Variants in TEX11 observed in about 807,000 individuals in gnomAD.
TEX11 encodes testis-expressed protein 11.
TEX11 carries 7 observed loss-of-function variants against 84.4 expected under a neutral mutation model. That is an observed-to-expected ratio of 0.08 (90% CI 0.05 to 0.16). The LOEUF is 0.16. Among genes scored for constraint, TEX11 ranks in the 10% least tolerant of loss-of-function variants. The probability of loss-of-function intolerance (pLI) is 1.00; values close to 1 mark genes in which losing one functional copy is unlikely to be tolerated. For missense variants in TEX11, 551 were observed against 660.5 expected, an observed-to-expected ratio of 0.83 and a Z score of 1.82; for synonymous variants, 264 against 222.8, an observed-to-expected ratio of 1.18 and a Z score of -1.64.
At chrX:70,839,913 G>C (rs1469120746) in intron 7 of TEX11, among the ~76,000 whole-genome samples, 3 of 111,286 alleles carry the variant, frequency 2.7e-5, no homozygotes, top group Admixed American at 1.9e-4. Flanking sequence ...AATGAAGCGA[G>C]AAGAGAAGTT....
chrX:70,681,419 A>G (rs1471344167), intron 14 of TEX11, among the ~76,000 whole-genome samples: 1 of 112,511 alleles, frequency 8.9e-6, no homozygotes, highest in Non-Finnish European at 1.9e-5. Context: ...ACTTTCTTTA[A>G]ATAAAAATCA....
At chrX:70,550,820 A>G (rs1435946849) in intron 28 of TEX11, among the ~76,000 whole-genome samples, 1 of 111,661 alleles carries the variant, frequency 9.0e-6, no homozygotes, top group African/African-American at 3.3e-5. Flanking sequence ...AATTAGTACA[A>G]CCACTATGGA....
At chrX:70,575,893 T>C (rs1169758518) in intron 25 of TEX11, among the ~76,000 whole-genome samples, 1 of 112,068 alleles carries the variant, frequency 8.9e-6, no homozygotes, top group East Asian at 2.8e-4. Flanking sequence ...GAATAGATCA[T>C]TTCTTCCTCT....
intron 2 of TEX11, among the ~76,000 whole-genome samples, chrX:70,896,800 C>T (rs79213658): frequency 9.1e-6 from 1 of 110,261 alleles, no homozygotes; most frequent in African/African-American, 3.3e-5. Context: ...TGTTCTCACT[C>T]ATAAGTAGGA....
At position 70,529,099 on chromosome X, in the gene TEX11, T is replaced by A; in HGVS notation, c.2774A>T (p.Asp925Val). ...TTCATGTGGCCATGAGCTTGCCTAA[T>A]CTGACTTGCTCCAGTAGCCATGTTC... ...FHEHGYWSKS[D>V] Residue 925 changes from aspartate to valine, a missense_variant, in exon 30 of 30, where the codon GAT (aspartate) becomes GTT (valine). Asp to Val is a radical substitution (Grantham distance 152, BLOSUM62 -3). Coordinates refer to ENST00000374333, the MANE Select transcript of TEX11 (RefSeq NM_031276.3). 8.3e-7 allele frequency: 1 copy of A among 1,206,804 alleles called. No individual in the cohort carries two copies. Among genetic ancestry groups the A allele is most frequent in the Non-Finnish European group, 1.1e-6 (1 of 891,177 alleles).
At chrX:70,905,215 C>T (rs756764830) in intron 2 of TEX11, among the ~76,000 whole-genome samples, 2 of 111,501 alleles carry the variant, frequency 1.8e-5, no homozygotes, top group Admixed American at 1.9e-4. Flanking sequence ...CCCAGCTACG[C>T]GGGAGGCTGA....
intron 8 of TEX11, among the ~76,000 whole-genome samples, chrX:70,818,270 C>T (rs746726896): frequency 1.8e-5 from 2 of 109,945 alleles, no homozygotes; most frequent in South Asian, 8.0e-4. Flanking sequence ...CCACTGCACT[C>T]CAGTCTGGGT....
At chrX:70,875,545 C>T (rs1425805206) in intron 3 of TEX11, among the ~76,000 whole-genome samples, 3 of 105,299 alleles carry the variant, frequency 2.8e-5, no homozygotes, top group Non-Finnish European at 3.9e-5. Context: ...TCGAGACCAG[C>T]CTGGCCAACT....
At chrX:70,839,143 G>C (rs1469650265) in intron 7 of TEX11, among the ~76,000 whole-genome samples, 2 of 112,137 alleles carry the variant, frequency 1.8e-5, no homozygotes, top group Non-Finnish European at 1.9e-5. Flanking sequence ...GAAGAGAGTA[G>C]TGGTTCTCCC....
At chrX:70,770,847 A>T (rs2090968013) in intron 9 of TEX11, among the ~76,000 whole-genome samples, 1 of 111,526 alleles carries the variant, frequency 9.0e-6, no homozygotes, top group Non-Finnish European at 1.9e-5. Flanking sequence ...AATAAGTTTT[A>T]TACAGGCAGA....
chrX:70,568,900 C>G (rs1253212436), intron 25 of TEX11, among the ~76,000 whole-genome samples: 3 of 110,165 alleles, frequency 2.7e-5, no homozygotes, highest in Non-Finnish European at 5.7e-5. Flanking sequence ...TTGCTCTTCT[C>G]GAGGAGTATC....
At chrX:70,517,990 C>T in the TEX11 span, among the ~76,000 whole-genome samples, 21 of 109,436 alleles carry the variant, frequency 1.9e-4, no homozygotes, top group East Asian at 5.4e-3. Context: ...TTTTTTATTG[C>T]ATCTATTTGA....
chrX:70,873,315 A>G lies in TEX11; in HGVS notation c.160-8T>C, dbSNP rs762430659. 1.1e-4 allele frequency: 128 copies of G among 1,136,668 alleles called. 1 individual carries two copies. The highest frequency in any genetic ancestry group is 1.4e-4 in the Non-Finnish European group (118 of 829,480). 93.7% of individuals were successfully genotyped at this position (1,136,668 alleles called of 1,213,427 possible). ...TACTGCCATTTCTTCAATCTGGTCA[A>G]AGAGAAACATTTCCTTAGTTAGTTA... On this transcript the variant is annotated splice_polypyrimidine_tract_variant and splice_region_variant and intron_variant, in intron 3 of 29. Coordinates refer to ENST00000374333, the MANE Select transcript of TEX11 (RefSeq NM_031276.3).
At chrX:70,720,956 A>G (rs2090554566) in intron 13 of TEX11, among the ~76,000 whole-genome samples, 1 of 110,457 alleles carries the variant, frequency 9.1e-6, no homozygotes, top group African/African-American at 3.3e-5. Context: ...TCCTTCTACT[A>G]CAGTAATAAA....
chrX:70,817,555 A>G (rs1268172640), intron 8 of TEX11, among the ~76,000 whole-genome samples: 1 of 110,897 alleles, frequency 9.0e-6, no homozygotes, highest in Non-Finnish European at 1.9e-5. Context: ...GTGGTGGGAC[A>G]CGCCTGTAAT....
At chrX:70,842,923 G>C (rs2091455687) in intron 7 of TEX11, among the ~76,000 whole-genome samples, 1 of 111,332 alleles carries the variant, frequency 9.0e-6, no homozygotes. Flanking sequence ...AACTTACAAG[G>C]GATGTGAAGG....
At chrX:70,636,252 C>T (rs1437142446) in intron 17 of TEX11, among the ~76,000 whole-genome samples, 1 of 110,931 alleles carries the variant, frequency 9.0e-6, no homozygotes, top group Non-Finnish European at 1.9e-5. Context: ...TACCAACAAT[C>T]CCAGGCTTCA....
intron 20 of TEX11, among the ~76,000 whole-genome samples, chrX:70,619,227 T>C (rs1226513349): frequency 1.8e-5 from 2 of 111,913 alleles, no homozygotes; most frequent in African/African-American, 6.5e-5. Context: ...GCAAGAAACC[T>C]AACTATATTT....
chrX:70,839,011 G>T (rs1224939611), intron 7 of TEX11, among the ~76,000 whole-genome samples: 1 of 112,674 alleles, frequency 8.9e-6, no homozygotes, highest in African/African-American at 3.2e-5. Context: ...ACTGGGTGGA[G>T]CCCACCACAG....
Sources: allele counts gnomAD v4.1 joint callset (sites outside exome capture counted in the v4.1 genomes callset), GRCh38; gene constraint gnomAD v4.1.1; transcripts MANE v1.5; gene names NCBI Gene and HGNC (gene_info 2026-07-23, HGNC 2026-07-21).